RASGRP1: variants seen among roughly 807,000 people sequenced by gnomAD.
The protein encoded by RASGRP1 is RAS guanyl releasing protein 1.
A neutral mutation model predicts 95.1 loss-of-function variants in RASGRP1; 37 were observed. The ratio of observed to expected loss-of-function variants is 0.39; its 90% CI spans 0.30 to 0.51. The LOEUF is 0.51. RASGRP1 is among the 20% of genes least tolerant of loss of function. The pLI, the probability that RASGRP1 is intolerant of heterozygous loss-of-function variation, is 0.80. For missense variants in RASGRP1, 711 were observed against 965.4 expected (o/e 0.74, Z 3.49); for synonymous variants, 325 against 353.4 (o/e 0.92, Z 0.90).
At chr15:38,558,618 GC>G (rs1893670485) in intron 2 of RASGRP1, among the ~76,000 whole-genome samples, 1 of 152,134 alleles carries the variant, frequency 6.6e-6, no homozygotes, top group Non-Finnish European at 1.5e-5. Context: ...TGGGGTTGGG[GC>G]CCAGCAATGT....
intron 8 of RASGRP1, among the ~76,000 whole-genome samples, chr15:38,510,885 CAG>C (rs1384173402): frequency 6.6e-6 from 1 of 152,130 alleles, no homozygotes; most frequent in South Asian, 2.1e-4. Flanking sequence ...TGCTTGAGCC[CAG>C]GAGTTTGAGA....
chr15:38,494,793 G>C (rs968091646), intron 15 of RASGRP1, 26 bp from the exon 16 acceptor site: 1 of 1,425,590 alleles, frequency 7.0e-7, no homozygotes, highest in Non-Finnish European at 9.2e-7. Context: ...GGACATGCTA[G>C]TACTCTAGCT....
intron 2 of RASGRP1, among the ~76,000 whole-genome samples, chr15:38,546,477 C>T (rs1893110163): frequency 6.6e-6 from 1 of 152,164 alleles, no homozygotes; most frequent in Non-Finnish European, 1.5e-5. Flanking sequence ...TCGCCTGCCA[C>T]CTCGGCCTCC....
intron 2 of RASGRP1, among the ~76,000 whole-genome samples, chr15:38,533,904 A>G (rs1465436368): frequency 6.6e-6 from 1 of 152,208 alleles, no homozygotes; most frequent in African/African-American, 2.4e-5. Context: ...GCCAGTTTCA[A>G]GCTACCAACA....
intron 6 of RASGRP1, among the ~76,000 whole-genome samples, chr15:38,513,623 C>T (rs557959539): frequency 3.9e-5 from 6 of 152,262 alleles, no homozygotes; most frequent in Admixed American, 1.3e-4. Flanking sequence ...CATGGTTTCC[C>T]AAGTTGACAA....
intron 13 of RASGRP1, 126 bp downstream of exon 13, chr15:38,501,017 A>T (rs143716846): frequency 8.9e-7 from 1 of 1,128,808 alleles, no homozygotes; most frequent in Admixed American, 2.8e-5. Flanking sequence ...GCTCTAGGTT[A>T]TTCTAGGTGT....
Position 38,501,238 on chromosome 15 carries a change from T to A in RASGRP1, c.1588A>T (p.Ser530Cys). The change falls in exon 13 of 17, where the codon AGC becomes TGC. Residue 530 changes from serine (S) to cysteine (C), a missense_variant. By Grantham distance (112) the Ser-to-Cys change is moderately radical. This residue lies in a region of RASGRP1 where 491 missense variants were observed against 676.6 expected (regional missense o/e 0.73). Transcript: ENST00000310803. Reference protein sequence around the residue: ...DEITAYFMRASSIYSKLGLGF... With the variant: ...DEITAYFMRACSIYSKLGLGF... Reference sequence around the variant, plus strand: ...AGGCCCAGCTTGGAATAGATTGAGCTGGCTCTCATGAAGTAGGCTGTGATC... The same window carrying A: ...AGGCCCAGCTTGGAATAGATTGAGCAGGCTCTCATGAAGTAGGCTGTGATC... 1 of 1,613,152 alleles carries A rather than the reference T, an allele frequency of 6.2e-7. No individual in the cohort carries two copies. Among genetic ancestry groups the A allele is most frequent in the Non-Finnish European group, 8.5e-7 (1 of 1,179,340 alleles).
At position 38,519,350 on chromosome 15, in the gene RASGRP1, C is replaced by G; in HGVS notation, c.348G>C (p.Lys116Asn). The change falls in exon 4 of 17, where the codon AAG becomes AAC. Residue 116 changes from lysine (K) to asparagine (N), a missense_variant. Lys to Asn is a moderately conservative substitution (Grantham distance 94). This residue lies in a region of RASGRP1 where 491 missense variants were observed against 676.6 expected (regional missense o/e 0.73). Transcript: ENST00000310803. ...TCTTCAGGCAAAGTCCTGGTGAATT[C>G]TTTGCCAAAGCATCCTTATAGGTAG... ...VITLYKDALA[K>N]NSPGLCLKIC... 1 of 1,530,116 alleles carries G rather than the reference C, an allele frequency of 6.5e-7. No individual in the cohort carries two copies. The highest frequency in any genetic ancestry group is 9.1e-7 in the Non-Finnish European group (1 of 1,104,472). The allele number at this position is 1,530,116 out of a possible 1,614,324, so 94.8% of individuals were successfully genotyped here.
intron 16 of RASGRP1, among the ~76,000 whole-genome samples, chr15:38,492,527 G>T (rs114581823): frequency 7.0e-4 from 106 of 152,218 alleles, no homozygotes; most frequent in African/African-American, 2.5e-3. Flanking sequence ...TGCACTGACA[G>T]GTCTCCAAAA....
chr15:38,499,332 G>A lies in RASGRP1; in HGVS notation c.1721-386C>T, dbSNP rs1890920009. The stretch of plus-strand genomic sequence containing the variant: ...CACTCCTGAATTCTCCTAGTCACAA[G>A]GAAGGACAGTTATGTCCTGAGTGAT... On this transcript the variant is annotated intron_variant, in intron 14 of 16. Coordinates refer to ENST00000310803, the MANE Select transcript of RASGRP1 (RefSeq NM_005739.4). The A allele has an allele frequency of 1.6e-5, 6 of 369,068 alleles. No homozygotes were observed. The Admixed American group carries it at 2.2e-4, about 14-fold the overall frequency. 22.9% of individuals were successfully genotyped at this position (369,068 alleles called of 1,614,324 possible). A position where few individuals can be genotyped will look rare whatever the true frequency, so the allele number is the denominator to read the frequency against.
At chr15:38,512,451 T>C (rs928564018) in intron 7 of RASGRP1, among the ~76,000 whole-genome samples, 2 of 152,250 alleles carry the variant, frequency 1.3e-5, no homozygotes, top group African/African-American at 2.4e-5. Context: ...AATCTTAGAA[T>C]TGCCCTTTCC....
intron 14 of RASGRP1, among the ~76,000 whole-genome samples, chr15:38,499,841 A>G (rs1461794494): frequency 2.0e-5 from 3 of 152,130 alleles, no homozygotes; most frequent in Non-Finnish European, 4.4e-5. Flanking sequence ...ATAGTGAGTG[A>G]CTGCTCATGA....
intron 2 of RASGRP1, among the ~76,000 whole-genome samples, chr15:38,530,161 T>G (rs946445290): frequency 3.3e-5 from 5 of 152,210 alleles, no homozygotes; most frequent in African/African-American, 9.6e-5. Flanking sequence ...TAGTGCAGGC[T>G]GGGTGCTGCT....
At chr15:38,491,875 G>T (rs117117067) in intron 16 of RASGRP1, among the ~76,000 whole-genome samples, 2,208 of 152,240 alleles carry the variant, frequency 0.015, 17 homozygotes, top group South Asian at 0.057. Flanking sequence ...ATCTTTCTGC[G>T]AGCCACTTCT....
intron 1 of RASGRP1, among the ~76,000 whole-genome samples, chr15:38,563,533 T>C (rs1231198411): frequency 6.6e-6 from 1 of 152,176 alleles, no homozygotes; most frequent in Admixed American, 6.5e-5. Context: ...AGAGATGAAA[T>C]GGAGCAAGGG....
At chr15:38,538,159 G>A (rs1277081481) in intron 2 of RASGRP1, among the ~76,000 whole-genome samples, 1 of 152,262 alleles carries the variant, frequency 6.6e-6, no homozygotes. Flanking sequence ...AGCTACTCAG[G>A]AGGCTGAGGC....
intron 2 of RASGRP1, among the ~76,000 whole-genome samples, chr15:38,540,073 T>G (rs911588894): frequency 1.3e-5 from 2 of 152,082 alleles, no homozygotes; most frequent in African/African-American, 4.8e-5. Context: ...CACATCACCA[T>G]GCCAGGCTAA....
chr15:38,558,378 A>G (rs1446160086), intron 2 of RASGRP1, among the ~76,000 whole-genome samples: 1 of 152,256 alleles, frequency 6.6e-6, no homozygotes, highest in Non-Finnish European at 1.5e-5. Context: ...TTAAAGTGTG[A>G]AATAAGATTG....
intron 3 of RASGRP1, among the ~76,000 whole-genome samples, chr15:38,522,016 T>C (rs1388595985): frequency 6.6e-6 from 1 of 152,168 alleles, no homozygotes; most frequent in Non-Finnish European, 1.5e-5. Flanking sequence ...AGCCCAGATA[T>C]CACAGGTAAA....
Sources: gnomAD v4.1 joint callset for allele counts (sites outside exome capture counted in the v4.1 genomes callset) on GRCh38, gnomAD v4.1.1 for gene constraint, gnomAD v4.1.1 regional missense constraint, MANE v1.5 for transcripts, NCBI Gene and HGNC (gene_info 2026-07-23, HGNC 2026-07-21) for gene names.